CYP26B1: variants seen among roughly 807,000 people sequenced by gnomAD.
CYP26B1 encodes the protein cytochrome P450 family 26 subfamily B member 1, also known as cytochrome P450 26B1.
Under a neutral mutation model 39.1 loss-of-function variants are expected in CYP26B1, and 8 were observed. That is an observed-to-expected ratio of 0.20 (90% CI 0.12 to 0.37). The LOEUF (loss-of-function observed/expected upper bound fraction) is 0.37. Among genes scored for constraint, CYP26B1 ranks in the 10% least tolerant of loss-of-function variants. The pLI is 1.00. For missense variants in CYP26B1, 615 were observed against 707.0 expected (o/e 0.87, Z 1.48); for synonymous variants, 321 against 314.3 (o/e 1.02, Z -0.23).
chr2:72,141,668 C>G (rs540244236), intron 2 of CYP26B1, among the ~76,000 whole-genome samples: 1 of 152,358 alleles, frequency 6.6e-6, no homozygotes, highest in East Asian at 1.9e-4. Context: ...GTGAGTTCAC[C>G]GGGCCTTGGG....
At chr2:72,142,096 C>T (rs1572929071) in intron 2 of CYP26B1, among the ~76,000 whole-genome samples, 1 of 139,612 alleles carries the variant, frequency 7.2e-6, no homozygotes, top group East Asian at 2.4e-4. Flanking sequence ...ATCCCCCCTT[C>T]CCCCCACCGC....
chr2:72,140,737 C>G (rs942957922), intron 2 of CYP26B1, among the ~76,000 whole-genome samples: 5 of 152,202 alleles, frequency 3.3e-5, no homozygotes, highest in Non-Finnish European at 7.3e-5. Flanking sequence ...GGCCAAAGGT[C>G]AGGGATGGTG....
At chr2:72,134,306 G>C in intron 4 of CYP26B1, among the ~76,000 whole-genome samples, 1 of 137,034 alleles carries the variant, frequency 7.3e-6, no homozygotes, top group Admixed American at 7.6e-5. Context: ...ATCCCCAGGG[G>C]CCTAGGGGGC....
chr2:72,132,994 C>T (rs371973226), intron 5 of CYP26B1, 29 bp downstream of exon 5: 24 of 1,612,796 alleles, frequency 1.5e-5, no homozygotes, highest in South Asian at 4.4e-5. Flanking sequence ...GCTCCCCCAT[C>T]GCCCCCGGTG....
Position 72,129,538 on chromosome 2 carries a change from CTAAA to C in CYP26B1, c.*2685_*2688del, listed in dbSNP as rs557997765. 2.3e-3 allele frequency: 358 copies of C among 152,394 alleles called. 1 individual carries two copies. Among genetic ancestry groups the C allele is most frequent in the African/African-American group, 7.9e-3 (328 of 41,416 alleles). The allele number at this position is 152,394 out of a possible 1,614,324, so 9.4% of individuals were successfully genotyped here. ...AATATTTAACAGCAAAAACTTTATA[CTAAA>C]TATCTATTTTGAATTATAACAAAAA... is the stretch of plus-strand genomic sequence containing the variant. On this transcript the variant is annotated 3_prime_UTR_variant, in exon 6 of 6. Coordinates refer to ENST00000001146, the MANE Select transcript of CYP26B1 (RefSeq NM_019885.4).
At chr2:72,132,943 T>A in intron 5 of CYP26B1, 80 bp downstream of exon 5, 1 of 1,596,354 alleles carries the variant, frequency 6.3e-7, no homozygotes, top group Non-Finnish European at 8.5e-7. Flanking sequence ...GTCCCTGAAA[T>A]GGAGGCTGGT....
In CYP26B1 at chr2:72,132,332, G is replaced by A. The variant is rs115576978; in HGVS notation, c.1434C>T (p.Pro478=). The part of the protein sequence containing the change: ...TRTFPRITLV[P]VLHPVDGLSV... Reference sequence around the variant, plus strand: ...TGAGGCCATCCACGGGGTGCAGGACGGGGACCAAGGTGATGCGGGGGAAGG... The same window carrying A: ...TGAGGCCATCCACGGGGTGCAGGACAGGGACCAAGGTGATGCGGGGGAAGG... The change falls in exon 6 of 6, where the codon CCC becomes CCT. Residue 478 remains proline, a synonymous_variant. Transcript: ENST00000001146. 3.2e-5 allele frequency: 51 copies of A among 1,610,104 alleles called. No individual in the cohort carries two copies. The African/African-American group carries it at 4.8e-4, about 15-fold the overall frequency.
intron 2 of CYP26B1, among the ~76,000 whole-genome samples, chr2:72,142,588 G>GCAGCCATC (rs1466567648): frequency 6.6e-6 from 1 of 152,190 alleles, no homozygotes; most frequent in Non-Finnish European, 1.5e-5. Flanking sequence ...AGATCAGGAA[G>GCAGCCATC]CAGCCATCTC....
In CYP26B1 at chr2:72,131,054, C is replaced by CGA. The variant is rs918541390; in HGVS notation, c.*1172_*1173insTC. ...AGGGAAGACGGAGGCCCTTGCTCCC[C>CGA]GTCAGAAGAACCCGTATCCTTCCCC... On this transcript the variant is annotated 3_prime_UTR_variant, in exon 6 of 6. Transcript: ENST00000001146. 6.6e-6 allele frequency: 1 copy of CGA among 152,630 alleles called. No individual in the cohort carries two copies. The highest frequency in any genetic ancestry group is 1.5e-5 in the Non-Finnish European group (1 of 68,102). 9.5% of individuals were successfully genotyped at this position (152,630 alleles called of 1,614,324 possible). A position where few individuals can be genotyped will look rare whatever the true frequency, so the allele number is the denominator to read the frequency against.
At chr2:72,136,639 G>A (rs527527038) in intron 2 of CYP26B1, among the ~76,000 whole-genome samples, 1 of 152,370 alleles carries the variant, frequency 6.6e-6, no homozygotes, top group South Asian at 2.1e-4. Context: ...GAGGTAGAAG[G>A]ACGATAGGAG....
Position 72,131,679 on chromosome 2 carries a change from G to C in CYP26B1, c.*548C>G, listed in dbSNP as rs1208407694. The C allele has an allele frequency of 6.5e-6, 1 of 154,878 alleles. No individual in the cohort carries two copies. Among genetic ancestry groups the C allele is most frequent in the Non-Finnish European group, 1.4e-5 (1 of 69,688 alleles). 9.6% of individuals were successfully genotyped at this position (154,878 alleles called of 1,614,324 possible). On this transcript the variant is annotated 3_prime_UTR_variant, in exon 6 of 6. Transcript: ENST00000001146. ...TTTCAAATTGTCCAAACTGGTGAGGGAGGGTGGGAACCGTGGCATAGGGAA... is the reference window on the plus strand; with the variant it reads ...TTTCAAATTGTCCAAACTGGTGAGGCAGGGTGGGAACCGTGGCATAGGGAA...
chr2:72,147,237 G>A lies in CYP26B1; in HGVS notation c.204+394C>T, dbSNP rs1012977364. ...GCGACACAGCCAACCCCAGAAAGCC[G>A]AGGGCGACTGGGGGCTTGCAGCACC... On this transcript the variant is annotated intron_variant, in intron 1 of 5. Coordinates refer to ENST00000001146, the MANE Select transcript of CYP26B1 (RefSeq NM_019885.4). The surrounding 1 kb of genome is among the most constrained non-coding windows in gnomAD (Gnocchi z 6.1). 1.3e-5 allele frequency among the ~76,000 whole-genome samples: 2 copies of A among 152,164 alleles called. No homozygotes were observed. Among genetic ancestry groups the A allele is most frequent in the Non-Finnish European group, 2.9e-5 (2 of 68,026 alleles).
chr2:72,135,170 C>G lies in CYP26B1; in HGVS notation c.679G>C (p.Asp227His), dbSNP rs143738797. Reference sequence around the variant, plus strand: ...CGCCGGTAGCCACTGAAGGGCAGGTCGACAGGCAGGGAGAAGACATTGTCC... The same window carrying G: ...CGCCGGTAGCCACTGAAGGGCAGGTGGACAGGCAGGGAGAAGACATTGTCC... ...FVDNVFSLPVDLPFSGYRRGI... is the reference protein window; with the variant it reads ...FVDNVFSLPVHLPFSGYRRGI... The change falls in exon 3 of 6, where the codon GAC becomes CAC. Residue 227 changes from aspartate (D) to histidine (H), a missense_variant. Coordinates refer to ENST00000001146, the MANE Select transcript of CYP26B1 (RefSeq NM_019885.4). 6.2e-7 allele frequency: 1 copy of G among 1,613,932 alleles called. No homozygotes were observed. Among genetic ancestry groups the G allele is most frequent in the African/African-American group, 1.3e-5 (1 of 75,038 alleles).
rs766925918 is a variant in CYP26B1, at chr2:72,144,056, G to A, written c.362C>T (p.Thr121Ile). 1.9e-6 allele frequency: 3 copies of A among 1,613,824 alleles called. No individual in the cohort carries two copies. The South Asian group carries it at 3.3e-5, about 18-fold the overall frequency. Residue 121 changes from threonine (T) to isoleucine (I), a missense_variant, in exon 2 of 6, where the codon ACC becomes ATC. Transcript: ENST00000001146. ...CGTGTTGGGGCCCAGCAACATGCGG[G>A]TGCTGCGAGGCCACTCGGTGCTCAC... Reference protein sequence around the residue: ...HLVSTEWPRSTRMLLGPNTVS... With the variant: ...HLVSTEWPRSIRMLLGPNTVS...
intron 1 of CYP26B1, among the ~76,000 whole-genome samples, chr2:72,144,876 G>C (rs1677073459): frequency 6.6e-6 from 1 of 152,158 alleles, no homozygotes; most frequent in African/African-American, 2.4e-5. Context: ...GGCGGGACCG[G>C]GCAGGGCGAC....
intron 1 of CYP26B1, among the ~76,000 whole-genome samples, chr2:72,146,365 G>T (rs537041215): frequency 6.8e-6 from 1 of 147,998 alleles, no homozygotes; most frequent in East Asian, 2.1e-4. Context: ...TGCGGGGGGT[G>T]GGGGGGTGAT....
chr2:72,135,302 G>A lies in CYP26B1; in HGVS notation c.547C>T (p.Gln183Ter). Residue 183 changes from glutamine (Q) to a stop codon, truncating the protein, a stop_gained, in exon 3 of 6, where the codon CAG becomes TAG. Transcript: ENST00000001146. LOFTEE classifies it high-confidence loss of function. ...CGGAAGGTCAGCTTCTGCGCCTCCT[G>A]GTACACGTTGATGGCCTCGGGGTGG... ...SSHPEAINVY[Q>*]EAQKLTFRMA... The A allele has an allele frequency of 6.2e-7, 1 of 1,614,082 alleles. No individual in the cohort carries two copies. Among genetic ancestry groups the A allele is most frequent in the Non-Finnish European group, 8.5e-7 (1 of 1,180,036 alleles).
intron 4 of CYP26B1, among the ~76,000 whole-genome samples, chr2:72,133,904 G>A (rs976040551): frequency 6.6e-6 from 1 of 152,170 alleles, no homozygotes; most frequent in African/African-American, 2.4e-5. Flanking sequence ...GGCTTTCTGG[G>A]GAGCAGGACA....
intron 2 of CYP26B1, chr2:72,143,049 G>C (rs902499016): frequency 1.2e-5 from 2 of 167,122 alleles, no homozygotes; most frequent in Admixed American, 1.3e-4. Context: ...GAGGGAGTCC[G>C]CCTCCCCACC....
Sources: allele counts gnomAD v4.1 joint callset (sites outside exome capture counted in the v4.1 genomes callset), GRCh38; gene constraint gnomAD v4.1.1; non-coding constraint Gnocchi (gnomAD v3.1); transcripts MANE v1.5; gene names NCBI Gene and HGNC (gene_info 2026-07-23, HGNC 2026-07-21).